Variants in CPEB1 observed in about 807,000 individuals in gnomAD.
CPEB1 encodes cytoplasmic polyadenylation element binding protein 1.
A neutral mutation model predicts 65.8 loss-of-function variants in CPEB1; 7 were observed. The observed-to-expected ratio is 0.11, with a 90% CI of 0.06 to 0.20. CPEB1 has a LOEUF of 0.20. Ranked by LOEUF, CPEB1 falls within the 10% of genes least tolerant of loss-of-function variation. The pLI is 1.00. For synonymous variants in CPEB1, 262 were observed against 260.0 expected, an observed-to-expected ratio of 1.01 and a Z score of -0.08; for missense variants, 551 against 712.2, an observed-to-expected ratio of 0.77 and a Z score of 2.58.
chr15:82,553,647 G>C (rs1359858909), intron 7 of CPEB1, 91 bp from the exon 8 acceptor site: 2 of 980,598 alleles, frequency 2.0e-6, no homozygotes, highest in Admixed American at 4.0e-5. Context: ...TCTCCTCCCT[G>C]GCTCATCCCC....
At position 82,543,211 on chromosome 15, in the gene CPEB1, C is replaced by G. The variant is rs886312917; in HGVS notation, c.*1381G>C. Reference sequence around the variant, plus strand: ...AGACAAAACCAGAACTCTGCTGCAACGTGTTTATTATGTGCCAAAAAAACT... The same window carrying G: ...AGACAAAACCAGAACTCTGCTGCAAGGTGTTTATTATGTGCCAAAAAAACT... On this transcript the variant is annotated 3_prime_UTR_variant, in exon 13 of 13. Coordinates refer to ENST00000684509, the MANE Select transcript of CPEB1 (RefSeq NM_001365242.1). The G allele has an allele frequency of 3.3e-5, 5 of 152,544 alleles. No homozygotes were observed. Among genetic ancestry groups the G allele is most frequent in the Non-Finnish European group, 7.3e-5 (5 of 68,052 alleles). The allele number at this position is 152,544 out of a possible 1,614,324, so 9.4% of individuals were successfully genotyped here.
At chr15:82,573,373 T>C (rs1404857510) in intron 3 of CPEB1, among the ~76,000 whole-genome samples, 5 of 138,274 alleles carry the variant, frequency 3.6e-5, no homozygotes, top group East Asian at 2.2e-4. Flanking sequence ...AAATCACCCA[T>C]ACTGGTGCTG....
At chr15:82,588,306 T>G (rs1183072185) in intron 3 of CPEB1, among the ~76,000 whole-genome samples, 4 of 152,148 alleles carry the variant, frequency 2.6e-5, no homozygotes, top group Admixed American at 2.6e-4. Flanking sequence ...AATAATAGCA[T>G]GTACAACTTC....
chr15:82,566,534 AAC>A (rs1354716604), intron 4 of CPEB1, among the ~76,000 whole-genome samples: 5 of 152,162 alleles, frequency 3.3e-5, no homozygotes, highest in Non-Finnish European at 7.3e-5. Context: ...TGTGGCGGTA[AAC>A]AGAGTGTGGA....
intron 4 of CPEB1, among the ~76,000 whole-genome samples, chr15:82,568,340 A>C (rs1212420339): frequency 1.3e-5 from 2 of 152,164 alleles, no homozygotes; most frequent in South Asian, 2.1e-4. Flanking sequence ...ACAGATCTTA[A>C]GACATTGCAA....
chr15:82,566,986 T>TA (rs1180081342), intron 4 of CPEB1, among the ~76,000 whole-genome samples: 1 of 152,042 alleles, frequency 6.6e-6, no homozygotes, highest in Non-Finnish European at 1.5e-5. Flanking sequence ...ACTCTGCAGT[T>TA]AAAAAACAAC....
intron 3 of CPEB1, among the ~76,000 whole-genome samples, chr15:82,580,220 C>T (rs903709188): frequency 1.5e-4 from 23 of 151,008 alleles, no homozygotes; most frequent in Non-Finnish European, 3.2e-4. Context: ...GCTCGAGAGG[C>T]TGAGGCAGAA....
In CPEB1 at chr15:82,647,334, G is replaced by T. The variant is rs1392526659; in HGVS notation, c.-295C>A. On this transcript the variant is annotated 5_prime_UTR_variant, in exon 1 of 13. Coordinates refer to ENST00000684509, the MANE Select transcript of CPEB1 (RefSeq NM_001365242.1). ...CCTCCACCTTAAAGGTGCCGCGACC[G>T]CCGCCGTCGTGGGGCTCTCCACAGA... 6.5e-6 allele frequency: 1 copy of T among 152,786 alleles called. No individual in the cohort carries two copies. Among genetic ancestry groups the T allele is most frequent in the African/African-American group, 2.4e-5 (1 of 41,478 alleles). 9.5% of individuals were successfully genotyped at this position (152,786 alleles called of 1,614,324 possible). A position where few individuals can be genotyped will look rare whatever the true frequency, so the allele number is the denominator to read the frequency against.
intron 9 of CPEB1, among the ~76,000 whole-genome samples, chr15:82,550,351 C>T (rs763108067): frequency 1.4e-4 from 21 of 152,280 alleles, no homozygotes; most frequent in Non-Finnish European, 2.5e-4. Context: ...AGGAAGAGAT[C>T]TGAGGCAGAA....
chr15:82,548,398 GT>G (rs1468069225), intron 10 of CPEB1, among the ~76,000 whole-genome samples: 3 of 152,126 alleles, frequency 2.0e-5, no homozygotes, highest in Admixed American at 2.0e-4. Context: ...CAACAGCTGT[GT>G]TTCCAAAACT....
chr15:82,597,236 G>C (rs1240157050), intron 3 of CPEB1, among the ~76,000 whole-genome samples: 2 of 152,168 alleles, frequency 1.3e-5, no homozygotes, highest in African/African-American at 4.8e-5. Flanking sequence ...TAAAGTGGGA[G>C]GATCAATTGG....
chr15:82,633,417 C>T lies in CPEB1; in HGVS notation c.-97-4861G>A, dbSNP rs995636464. On this transcript the variant is annotated intron_variant, in intron 1 of 12. Coordinates refer to ENST00000684509, the MANE Select transcript of CPEB1 (RefSeq NM_001365242.1). Reference sequence around the variant, plus strand: ...GACAGAGTTTTGCTCTTGTCGCCCACGCTGGAGCGCAATGGCTCAATCTCC... The same window carrying T: ...GACAGAGTTTTGCTCTTGTCGCCCATGCTGGAGCGCAATGGCTCAATCTCC... Among the ~76,000 whole-genome samples the T allele has an allele frequency of 3.3e-5, 5 of 152,230 alleles. No individual in the cohort carries two copies. In the East Asian group the frequency reaches 7.7e-4, roughly 23 times the overall value.
chr15:82,575,251 C>T (rs1209583924), intron 3 of CPEB1, among the ~76,000 whole-genome samples: 1 of 152,142 alleles, frequency 6.6e-6, no homozygotes. Context: ...TAACAAATGG[C>T]ACTGGAACAC....
chr15:82,566,555 C>T (rs2039160554), intron 4 of CPEB1, among the ~76,000 whole-genome samples: 1 of 152,172 alleles, frequency 6.6e-6, no homozygotes, highest in Non-Finnish European at 1.5e-5. Context: ...GACTTCCCCC[C>T]GACTGTGGAT....
intron 3 of CPEB1, among the ~76,000 whole-genome samples, chr15:82,581,921 G>C (rs1164747063): frequency 6.6e-6 from 1 of 152,188 alleles, no homozygotes; most frequent in Non-Finnish European, 1.5e-5. Context: ...TGACTACAGA[G>C]ACCAGTCCAG....
chr15:82,596,662 C>T (rs1220221362), intron 3 of CPEB1, among the ~76,000 whole-genome samples: 1 of 143,114 alleles, frequency 7.0e-6, no homozygotes, highest in Admixed American at 7.2e-5. Context: ...TATGCCACTG[C>T]ACTCCAACCT....
chr15:82,607,984 A>C (rs1158979992), intron 3 of CPEB1, among the ~76,000 whole-genome samples: 6 of 152,216 alleles, frequency 3.9e-5, no homozygotes, highest in Non-Finnish European at 7.3e-5. Flanking sequence ...CAAGGGGCCC[A>C]GTATGCCCTC....
chr15:82,643,578 G>A (rs1301771056), intron 1 of CPEB1, among the ~76,000 whole-genome samples: 1 of 151,524 alleles, frequency 6.6e-6, no homozygotes, highest in African/African-American at 2.4e-5. Flanking sequence ...GCAGTGAGCC[G>A]AGATTGTGCC....
At chr15:82,600,240 C>T (rs918740262) in intron 3 of CPEB1, among the ~76,000 whole-genome samples, 6 of 152,148 alleles carry the variant, frequency 3.9e-5, no homozygotes, top group African/African-American at 1.4e-4. Flanking sequence ...GAAGCCTGAA[C>T]ATGTTCAGTA....
Sources: allele counts gnomAD v4.1 joint callset (sites outside exome capture counted in the v4.1 genomes callset), GRCh38; gene constraint gnomAD v4.1.1; transcripts MANE v1.5; gene names NCBI Gene and HGNC (gene_info 2026-07-23, HGNC 2026-07-21).